Variants in AGBL1 observed in about 807,000 individuals in gnomAD.
The protein encoded by AGBL1 is cytosolic carboxypeptidase 4.
Under a neutral mutation model 118.9 loss-of-function variants are expected in AGBL1, and 130 were observed. The ratio of observed to expected loss-of-function variants is 1.09; its 90% CI spans 0.95 to 1.26. The LOEUF (loss-of-function observed/expected upper bound fraction) is 1.26, where lower values mean the gene tolerates loss of function less well. Among genes scored for constraint, AGBL1 ranks in the 50% most tolerant of loss-of-function variants. The pLI, the probability that AGBL1 is intolerant of heterozygous loss-of-function variation, is 0.00. For missense variants in AGBL1, 1,584 were observed against 1,298.1 expected (o/e 1.22, Z -3.38); for synonymous variants, 555 against 478.9 (o/e 1.16, Z -2.08).
intron 24 of AGBL1, among the ~76,000 whole-genome samples, chr15:86,995,311 G>T (rs573229219): frequency 6.6e-6 from 1 of 152,110 alleles, no homozygotes; most frequent in Non-Finnish European, 1.5e-5. Context: ...ACCTGAGCCC[G>T]GGAGGTCAAG....
At chr15:86,506,230 T>C (rs1268222462) in intron 18 of AGBL1, among the ~76,000 whole-genome samples, 1 of 152,078 alleles carries the variant, frequency 6.6e-6, no homozygotes, top group African/African-American at 2.4e-5. Flanking sequence ...TTTAGGTCTT[T>C]CCTGAGCATG....
intron 22 of AGBL1, among the ~76,000 whole-genome samples, chr15:86,702,263 A>C (rs759525343): frequency 2.0e-5 from 3 of 152,174 alleles, no homozygotes; most frequent in Non-Finnish European, 2.9e-5. Context: ...ACTGACAAGC[A>C]ATGTGAATAT....
chr15:86,879,346 GA>G (rs2079858032), intron 22 of AGBL1, among the ~76,000 whole-genome samples: 1 of 152,162 alleles, frequency 6.6e-6, no homozygotes, highest in Non-Finnish European at 1.5e-5. Flanking sequence ...CTGCTCAGGG[GA>G]TGTTGGGCCT....
chr15:86,118,667 G>A (rs1026490932), intron 1 of AGBL1, among the ~76,000 whole-genome samples: 26 of 152,034 alleles, frequency 1.7e-4, no homozygotes, highest in African/African-American at 6.3e-4. Context: ...AGCCATTAAG[G>A]GAGGTGATGG....
intron 22 of AGBL1, among the ~76,000 whole-genome samples, chr15:86,883,848 G>C (rs1430432900): frequency 6.6e-6 from 1 of 152,068 alleles, no homozygotes; most frequent in Admixed American, 6.6e-5. Flanking sequence ...AGTGCATTTA[G>C]GATTTATATG....
intron 18 of AGBL1, among the ~76,000 whole-genome samples, chr15:86,447,813 A>G (rs77613991): frequency 0.042 from 6,387 of 152,220 alleles, 194 homozygotes; most frequent in South Asian, 0.097. Context: ...AGGACAGTAT[A>G]CCTTGTAAAA....
chr15:86,816,855 TA>T (rs139410934), intron 22 of AGBL1, among the ~76,000 whole-genome samples: 1,868 of 152,296 alleles, frequency 0.012, 26 homozygotes, highest in Middle Eastern at 0.061. Flanking sequence ...TTTATCTAAA[TA>T]TTTTTTTTCC....
intron 21 of AGBL1, among the ~76,000 whole-genome samples, chr15:86,587,155 A>G (rs1218614943): frequency 6.6e-6 from 1 of 152,204 alleles, no homozygotes. Flanking sequence ...TACTCCCACC[A>G]TGAGCTTATG....
At chr15:86,133,850 G>C (rs1336928206) in intron 1 of AGBL1, among the ~76,000 whole-genome samples, 2 of 151,958 alleles carry the variant, frequency 1.3e-5, no homozygotes, top group East Asian at 3.9e-4. Context: ...TTTTTATTTT[G>C]TTTTATTTTA....
chr15:86,552,922 T>G (rs2083683615), intron 20 of AGBL1, among the ~76,000 whole-genome samples: 1 of 151,784 alleles, frequency 6.6e-6, no homozygotes, highest in Non-Finnish European at 1.5e-5. Context: ...ATTATGCTAA[T>G]ATATTTATAT....
intron 18 of AGBL1, among the ~76,000 whole-genome samples, chr15:86,441,521 G>A (rs2082064343): frequency 6.6e-6 from 1 of 152,158 alleles, no homozygotes; most frequent in Non-Finnish European, 1.5e-5. Context: ...GAGAGTAGGG[G>A]TGCCAATGAC....
chr15:86,479,043 A>C (rs1241164298), intron 18 of AGBL1, among the ~76,000 whole-genome samples: 1 of 152,230 alleles, frequency 6.6e-6, no homozygotes, highest in Non-Finnish European at 1.5e-5. Context: ...TAGAAAGCTG[A>C]AACTGGATCC....
At chr15:86,648,647 T>C (rs1034776793) in intron 21 of AGBL1, among the ~76,000 whole-genome samples, 2 of 152,160 alleles carry the variant, frequency 1.3e-5, no homozygotes, top group African/African-American at 4.8e-5. Flanking sequence ...TAGAAGTAAA[T>C]TTGACTTATT....
chr15:86,106,144 G>A (rs569815226), intron 1 of AGBL1, among the ~76,000 whole-genome samples: 1 of 152,210 alleles, frequency 6.6e-6, no homozygotes. Flanking sequence ...ATATAACCTA[G>A]TATGCTGTTG....
intron 21 of AGBL1, among the ~76,000 whole-genome samples, chr15:86,591,516 C>A (rs570722376): frequency 6.6e-6 from 1 of 152,258 alleles, no homozygotes; most frequent in South Asian, 2.1e-4. Flanking sequence ...AGTTAACTTG[C>A]TAAATTGGCT....
chr15:86,185,086 G>C (rs890504206), intron 5 of AGBL1, among the ~76,000 whole-genome samples: 1 of 152,146 alleles, frequency 6.6e-6, no homozygotes, highest in Non-Finnish European at 1.5e-5. Flanking sequence ...CCATCAAAAA[G>C]TGGGCGAAGG....
chr15:86,940,914 C>A (rs2141653685), intron 23 of AGBL1, among the ~76,000 whole-genome samples: 1 of 152,288 alleles, frequency 6.6e-6, no homozygotes, highest in African/African-American at 2.4e-5. Context: ...CCCTGCTCTG[C>A]CTATAAAACC....
intron 20 of AGBL1, among the ~76,000 whole-genome samples, chr15:86,553,568 A>G: frequency 1.3e-5 from 2 of 152,300 alleles, no homozygotes; most frequent in East Asian, 3.9e-4. Flanking sequence ...AGTGAACTAT[A>G]TGTGCTTCTT....
intron 21 of AGBL1, among the ~76,000 whole-genome samples, chr15:86,593,416 T>C (rs1250481992): frequency 6.6e-6 from 1 of 152,112 alleles, no homozygotes; most frequent in Non-Finnish European, 1.5e-5. Flanking sequence ...ACAGCAGTTA[T>C]TTAACCATGA....
Sources: allele counts gnomAD v4.1 joint callset (sites outside exome capture counted in the v4.1 genomes callset), GRCh38; gene constraint gnomAD v4.1.1; transcripts MANE v1.5; gene names NCBI Gene and HGNC (gene_info 2026-07-23, HGNC 2026-07-21).